Variants in ABR observed in about 807,000 individuals in gnomAD.
ABR encodes the protein active breakpoint cluster region-related protein.
A neutral mutation model predicts 107.2 loss-of-function variants in ABR; 35 were observed. The ratio of observed to expected loss-of-function variants is 0.33; its 90% CI spans 0.25 to 0.43. ABR has a LOEUF of 0.43. Ranked by LOEUF, ABR falls within the 20% of genes least tolerant of loss-of-function variation. The pLI is 1.00. For synonymous variants in ABR, 498 were observed against 462.0 expected (o/e 1.08, Z -1.00); for missense variants, 815 against 1,115.2 (o/e 0.73, Z 3.83).
At chr17:1,048,796 G>T (rs531580944) in intron 16 of ABR, among the ~76,000 whole-genome samples, 48 of 151,804 alleles carry the variant, frequency 3.2e-4, no homozygotes, top group African/African-American at 1.0e-3. Flanking sequence ...CGGGGCCACG[G>T]TCAAGAAGCT....
chr17:1,227,029 A>G (rs2043234835), intron 1 of ABR, among the ~76,000 whole-genome samples: 1 of 152,148 alleles, frequency 6.6e-6, no homozygotes, highest in South Asian at 2.1e-4. Context: ...CCTGAAATCT[A>G]GCCCAGGCAT....
intron 10 of ABR, 114 bp from the exon 11 acceptor site, chr17:1,058,981 C>A: frequency 6.8e-7 from 1 of 1,471,132 alleles, no homozygotes; most frequent in Non-Finnish European, 9.2e-7. Context: ...TTCCGTATTT[C>A]GTGATGTTTT....
intron 16 of ABR, among the ~76,000 whole-genome samples, 188 bp from the exon 17 acceptor site, chr17:1,013,352 G>A (rs190398365): frequency 1.3e-4 from 20 of 149,736 alleles, no homozygotes; most frequent in Admixed American, 7.3e-4. Flanking sequence ...CCCTGTGGCC[G>A]CCGTGGGGGA....
At chr17:1,067,440 G>A (rs536212175) in intron 9 of ABR, among the ~76,000 whole-genome samples, 198 bp from the exon 10 acceptor site, 4 of 152,306 alleles carry the variant, frequency 2.6e-5, no homozygotes, top group Admixed American at 6.5e-5. Context: ...GGTCCGCCCC[G>A]CCCGCAGGGA....
At chr17:1,204,359 C>T (rs1046879699) in intron 1 of ABR, among the ~76,000 whole-genome samples, 19 of 152,158 alleles carry the variant, frequency 1.2e-4, no homozygotes, top group African/African-American at 4.6e-4. Flanking sequence ...GCAGGAGAAT[C>T]GCTTGAACCC....
At chr17:1,043,885 G>A (rs983864779) in intron 16 of ABR, among the ~76,000 whole-genome samples, 15 of 152,252 alleles carry the variant, frequency 9.9e-5, no homozygotes, top group Admixed American at 6.5e-4. Context: ...TGCGGTGAGC[G>A]AGGGAATGAC....
At chr17:1,216,041 A>G (rs1033537085) in intron 1 of ABR, among the ~76,000 whole-genome samples, 2 of 150,292 alleles carry the variant, frequency 1.3e-5, no homozygotes, top group South Asian at 2.2e-4. Flanking sequence ...ACACTGCGGA[A>G]GGCCGCAGGG....
intron 2 of ABR, among the ~76,000 whole-genome samples, chr17:1,105,430 C>T (rs1379386989): frequency 6.8e-6 from 1 of 147,636 alleles, no homozygotes; most frequent in Non-Finnish European, 1.5e-5. Context: ...AAATATAGAT[C>T]GAGGTGCCAC....
chr17:1,161,834 T>C (rs112565696), intron 1 of ABR, among the ~76,000 whole-genome samples: 4 of 152,094 alleles, frequency 2.6e-5, no homozygotes, highest in Admixed American at 6.6e-5. Flanking sequence ...GGATGACAGG[T>C]GTGAGCCACA....
At chr17:1,182,702 C>T (rs549550266), upstream of ABR, among the ~76,000 whole-genome samples, 7 of 152,292 alleles carry the variant, frequency 4.6e-5, no homozygotes, top group South Asian at 2.1e-4. Flanking sequence ...ACTGCCTCCA[C>T]GGCCAGCTAA....
At chr17:1,225,509 A>C (rs2043197128) in intron 1 of ABR, among the ~76,000 whole-genome samples, 3 of 151,970 alleles carry the variant, frequency 2.0e-5, no homozygotes, top group African/African-American at 7.2e-5. Flanking sequence ...AAAATTAGCC[A>C]GGCGTAGTGG....
intron 1 of ABR, among the ~76,000 whole-genome samples, chr17:1,212,898 A>AG (rs1555622034): frequency 1.3e-3 from 201 of 152,074 alleles, no homozygotes; most frequent in African/African-American, 4.7e-3. Context: ...AAAAAAAAAA[A>AG]AGAGAGAGAG....
chr17:1,155,415 A>C (rs1371604286), intron 1 of ABR, among the ~76,000 whole-genome samples: 2 of 152,188 alleles, frequency 1.3e-5, no homozygotes, highest in African/African-American at 4.8e-5. Flanking sequence ...AATGGATCAA[A>C]GACCTAAATG....
At chr17:1,030,894 G>A (rs979011477) in intron 16 of ABR, among the ~76,000 whole-genome samples, 3 of 152,252 alleles carry the variant, frequency 2.0e-5, no homozygotes, top group East Asian at 1.9e-4. Flanking sequence ...TGCGCTGGGC[G>A]CTGGGTCTGG....
intron 16 of ABR, among the ~76,000 whole-genome samples, chr17:1,030,816 G>A (rs888364002): frequency 1.3e-5 from 2 of 152,224 alleles, no homozygotes; most frequent in Non-Finnish European, 2.9e-5. Flanking sequence ...CTGGCCAGCC[G>A]GACTGGCACT....
chr17:1,094,148 C>T (rs1313410722), intron 3 of ABR, among the ~76,000 whole-genome samples: 2 of 151,900 alleles, frequency 1.3e-5, no homozygotes, highest in South Asian at 2.1e-4. Context: ...CTAGAACCAA[C>T]GGCCCCTCGG....
At chr17:1,109,133 A>AGGAGGGAGGAGGCG (rs1567772796) in intron 2 of ABR, 6 of 918,708 alleles carry the variant, frequency 6.5e-6, no homozygotes, top group East Asian at 6.8e-5. Context: ...GGGAGGAGGG[A>AGGAGGGAGGAGGCG]GGAGGGAGGA....
Position 1,125,321 on chromosome 17 carries a change from C to T in ABR, c.108G>A (p.Glu36=), listed in dbSNP as rs1021644395. The T allele has an allele frequency of 1.2e-6, 2 of 1,614,006 alleles. No individual in the cohort carries two copies. The highest frequency in any genetic ancestry group is 1.7e-6 in the Non-Finnish European group (2 of 1,179,960). The change falls in exon 2 of 23, where the codon GAG becomes GAA. Residue 36 remains glutamate, a synonymous_variant. Coordinates refer to ENST00000302538, the MANE Select transcript of ABR (RefSeq NM_021962.5). Reference sequence around the variant, plus strand: ...CTGAGCCCTCCGGGGGCCCCTTCTGCTCCTCATTCCCCTCTCCGTCGTACT... The same window carrying T: ...CTGAGCCCTCCGGGGGCCCCTTCTGTTCCTCATTCCCCTCTCCGTCGTACT... ...TDEYDGEGNE[E]QKGPPEGSET...
At chr17:1,203,440 AGTCTGCGGGGGCGGGGCCCGCGGGGAC>A (rs2042720870) in intron 1 of ABR, among the ~76,000 whole-genome samples, 2 of 30,974 alleles carry the variant, frequency 6.5e-5, no homozygotes, top group Non-Finnish European at 1.1e-4. Context: ...GCGGGGACGG[AGTCTGCGGGGGCGGGGCCCGCGGGGAC>A]GGAGTCTGCG....
Sources: allele counts gnomAD v4.1 joint callset (sites outside exome capture counted in the v4.1 genomes callset), GRCh38; gene constraint gnomAD v4.1.1; transcripts MANE v1.5; gene names NCBI Gene and HGNC (gene_info 2026-07-23, HGNC 2026-07-21).